Variants in RIMS1 observed in about 807,000 individuals in gnomAD.
The protein encoded by RIMS1 is regulating synaptic membrane exocytosis 1.
In RIMS1, 83 loss-of-function variants were observed where a neutral mutation model predicts 214.1. The ratio of observed to expected loss-of-function variants is 0.39; its 90% confidence interval spans 0.32 to 0.47. RIMS1 has a LOEUF of 0.47. Among genes scored for constraint, RIMS1 ranks in the 20% least tolerant of loss-of-function variants. The probability of loss-of-function intolerance (pLI) is 0.99; values close to 1 mark genes in which losing one functional copy is unlikely to be tolerated. For missense variants in RIMS1, 2,050 were observed against 2,161.8 expected (o/e 0.95, Z 1.03); for synonymous variants, 793 against 786.8 (o/e 1.01, Z -0.13).
At chr6:72,193,800 A>G (rs1196675530) in intron 6 of RIMS1, among the ~76,000 whole-genome samples, 1 of 151,416 alleles carries the variant, frequency 6.6e-6, no homozygotes, top group East Asian at 1.9e-4. Context: ...TGGTACTAAT[A>G]CCATATATGT....
At chr6:72,369,623 A>G (rs1236663390) in intron 29 of RIMS1, among the ~76,000 whole-genome samples, 1 of 152,180 alleles carries the variant, frequency 6.6e-6, no homozygotes. Flanking sequence ...GGCACACTCA[A>G]ATTATCTGAA....
chr6:72,232,608 A>C (rs895299531), intron 6 of RIMS1, among the ~76,000 whole-genome samples: 1 of 151,720 alleles, frequency 6.6e-6, no homozygotes, highest in Non-Finnish European at 1.5e-5. Flanking sequence ...TTCTAATATT[A>C]ACCCCTGCAT....
chr6:71,988,764 G>A (rs1185572042), intron 2 of RIMS1, among the ~76,000 whole-genome samples: 1 of 152,158 alleles, frequency 6.6e-6, no homozygotes, highest in African/African-American at 2.4e-5. Context: ...GTAATACAGA[G>A]TAACTGTTAT....
chr6:71,891,705 A>C (rs1449481095), intron 1 of RIMS1, among the ~76,000 whole-genome samples: 1 of 152,212 alleles, frequency 6.6e-6, no homozygotes, highest in Admixed American at 6.5e-5. Context: ...CAAAATATGA[A>C]AAAGGCATTA....
chr6:72,230,218 T>C (rs1258244534), intron 6 of RIMS1, among the ~76,000 whole-genome samples: 1 of 151,798 alleles, frequency 6.6e-6, no homozygotes, highest in Non-Finnish European at 1.5e-5. Context: ...TGCTATTCAT[T>C]GCTGTGTTGC....
rs149201694 is a variant in RIMS1, at chr6:72,040,862, A to T, written c.246-56087A>T. ...ATAAATTCCTTTCAGATGTTCAAAG[A>T]TGTAATTTATTTTATTAATAATAAT... On this transcript the variant is annotated intron_variant, in intron 2 of 33. Transcript: ENST00000521978. 6.5e-3 allele frequency among the ~76,000 whole-genome samples: 984 copies of T among 151,998 alleles called. 2 individuals carry two copies. Among genetic ancestry groups the T allele is most frequent in the Non-Finnish European group, 0.011 (772 of 67,844 alleles).
chr6:72,003,614 GTGTGTGTGTGTGTGTCTGTGTGTC>G (rs1244575407), intron 2 of RIMS1, among the ~76,000 whole-genome samples: 1 of 151,886 alleles, frequency 6.6e-6, no homozygotes. Context: ...GTGTGTCTGT[GTGTGTGTGTGTGTGTCTGTGTGTC>G]TGTGTGTGTG....
At chr6:72,261,483 C>T (rs1043003920) in intron 19 of RIMS1, 1 of 964,234 alleles carries the variant, frequency 1.0e-6, no homozygotes, top group Non-Finnish European at 1.2e-6. Flanking sequence ...TCTTTAATTT[C>T]ATATCCAAGT....
chr6:71,924,630 C>CAAAAAAAAAAAA (rs1250868988), intron 1 of RIMS1, among the ~76,000 whole-genome samples: 11 of 76,196 alleles, frequency 1.4e-4, no homozygotes, highest in African/African-American at 6.0e-4. Context: ...CCCATCTCTG[C>CAAAAAAAAAAAA]AAAAAAAAAA....
intron 29 of RIMS1, among the ~76,000 whole-genome samples, chr6:72,362,191 A>G (rs929839592): frequency 2.0e-5 from 3 of 152,200 alleles, no homozygotes; most frequent in African/African-American, 7.2e-5. Flanking sequence ...CCTAGGTCAC[A>G]GTTTCTGAAT....
chr6:72,004,890 C>G (rs1806829232), intron 2 of RIMS1, among the ~76,000 whole-genome samples: 1 of 151,968 alleles, frequency 6.6e-6, no homozygotes, highest in African/African-American at 2.4e-5. Context: ...TCCCATTTGT[C>G]AATTTTGGCT....
At chr6:72,188,749 T>A (rs2049554380) in intron 6 of RIMS1, among the ~76,000 whole-genome samples, 1 of 152,216 alleles carries the variant, frequency 6.6e-6, no homozygotes, top group Non-Finnish European at 1.5e-5. Flanking sequence ...TGGATTGGGC[T>A]GTTGTAGTTT....
intron 1 of RIMS1, among the ~76,000 whole-genome samples, chr6:71,902,758 A>G (rs546918254): frequency 2.0e-5 from 3 of 152,160 alleles, no homozygotes; most frequent in South Asian, 4.1e-4. Context: ...GCTCCCACTT[A>G]TAAGTGAAAA....
chr6:72,075,768 A>G (rs1406149279), intron 2 of RIMS1, among the ~76,000 whole-genome samples: 2 of 152,322 alleles, frequency 1.3e-5, no homozygotes, highest in East Asian at 3.9e-4. Context: ...TATTCAGTCC[A>G]TAACACTGAG....
chr6:72,023,291 G>A (rs971325978), intron 2 of RIMS1, among the ~76,000 whole-genome samples: 4 of 152,262 alleles, frequency 2.6e-5, no homozygotes, highest in African/African-American at 7.2e-5. Context: ...ATATAGAACA[G>A]TGTCATACTT....
rs2091400924 is a variant in RIMS1 at position 72,284,067 on chromosome 6, G to A, written c.3503G>A (p.Arg1168Lys). The A allele has an allele frequency of 6.2e-7, 1 of 1,612,902 alleles. No homozygotes were observed. Among genetic ancestry groups the A allele is most frequent in the Non-Finnish European group, 8.5e-7 (1 of 1,179,304 alleles). The change falls in exon 24 of 34, where the codon AGA becomes AAA. Residue 1168 changes from arginine to lysine, a missense_variant. By Grantham distance (26) the Arg-to-Lys change is conservative. Coordinates refer to ENST00000521978, the MANE Select transcript of RIMS1 (RefSeq NM_014989.7). ...ENDRHSRKSE[R>K]SSIQKQTRKG... Reference sequence around the variant, plus strand: ...CACAGGCACTCCAGAAAGTCTGAAAGATCTAGCATCCAAAAACAGACTAGG... The same window carrying A: ...CACAGGCACTCCAGAAAGTCTGAAAAATCTAGCATCCAAAAACAGACTAGG...
intron 29 of RIMS1, among the ~76,000 whole-genome samples, chr6:72,377,242 C>T (rs538542373): frequency 1.3e-5 from 2 of 152,272 alleles, no homozygotes; most frequent in South Asian, 4.1e-4. Flanking sequence ...CTTGAGTGTC[C>T]TTGCGCACGT....
In RIMS1 at chr6:71,887,193, C is replaced by G. The variant is rs772900239; in HGVS notation, c.164+6C>G. On this transcript the variant is annotated splice_donor_region_variant and intron_variant, in intron 1 of 33. Transcript: ENST00000521978. ...AAAGAAGAAGCCATGCTCAAGTAAG[C>G]CAGCCCCAGCCGCGCCATCCATGCC... The G allele has an allele frequency of 2.6e-5, 41 of 1,598,736 alleles. No homozygotes were observed. Among genetic ancestry groups the G allele is most frequent in the Non-Finnish European group, 3.4e-5 (40 of 1,173,176 alleles).
chr6:72,340,614 A>G lies in RIMS1; in HGVS notation c.4366+6779A>G, dbSNP rs115395509. 3.7e-3 allele frequency among the ~76,000 whole-genome samples: 565 copies of G among 151,790 alleles called. 5 individuals carry two copies. Among genetic ancestry groups the G allele is most frequent in the African/African-American group, 0.013 (530 of 41,392 alleles). ...AGTTGTAGATATGCGGCATTATGCGAGGGCTCTGTTCTGTTCCATTGGTCT... is the reference window on the plus strand; with the variant it reads ...AGTTGTAGATATGCGGCATTATGCGGGGGCTCTGTTCTGTTCCATTGGTCT... On this transcript the variant is annotated intron_variant, in intron 29 of 33. Transcript: ENST00000521978.
Sources: allele counts gnomAD v4.1 joint callset (sites outside exome capture counted in the v4.1 genomes callset), GRCh38; gene constraint gnomAD v4.1.1; transcripts MANE v1.5; gene names NCBI Gene and HGNC (gene_info 2026-07-23, HGNC 2026-07-21).